Variants in DENND1A observed in about 807,000 individuals in gnomAD.
DENND1A encodes the protein DENN domain-containing protein 1A.
DENND1A carries 51 observed loss-of-function variants against 113.7 expected under a neutral mutation model. The ratio of observed to expected loss-of-function variants is 0.45; its 90% CI spans 0.36 to 0.57. DENND1A has a LOEUF of 0.57. Ranked by LOEUF, DENND1A falls within the 20% of genes least tolerant of loss-of-function variation. The probability of loss-of-function intolerance (pLI) is 0.00; values close to 1 mark genes in which losing one functional copy is unlikely to be tolerated. For synonymous variants in DENND1A, 565 were observed against 570.8 expected (o/e 0.99, Z 0.14); for missense variants, 1,258 against 1,395.9 (o/e 0.90, Z 1.57).
At chr9:123,564,979 T>C (rs917066466) in intron 12 of DENND1A, among the ~76,000 whole-genome samples, 2 of 144,786 alleles carry the variant, frequency 1.4e-5, no homozygotes, top group Admixed American at 6.9e-5. Context: ...GTCTGTCCCT[T>C]CTTTTTTTTT....
At chr9:123,887,834 G>A (rs73669010) in intron 1 of DENND1A, among the ~76,000 whole-genome samples, 12,697 of 152,134 alleles carry the variant, frequency 0.083, 1,113 homozygotes, top group African/African-American at 0.22. Flanking sequence ...ACATGGGGAA[G>A]GCTGGTTTCT....
At chr9:123,792,688 T>A (rs777244491) in intron 2 of DENND1A, 58 bp from the exon 3 acceptor site, 20 of 1,577,254 alleles carry the variant, frequency 1.3e-5, no homozygotes, top group Non-Finnish European at 1.7e-5. Context: ...AAGCAGAGGA[T>A]CACACATTAA....
intron 19 of DENND1A, among the ~76,000 whole-genome samples, chr9:123,426,019 G>T (rs2045698665): frequency 1.3e-5 from 2 of 152,254 alleles, no homozygotes; most frequent in African/African-American, 4.8e-5. Context: ...GCCCAGGGCA[G>T]GGGCACTTCA....
intron 22 of DENND1A, among the ~76,000 whole-genome samples, chr9:123,385,152 G>A (rs552855901): frequency 6.6e-6 from 1 of 152,186 alleles, no homozygotes; most frequent in South Asian, 2.1e-4. Context: ...AGTGGGAAGT[G>A]CATCTAGCCT....
intron 5 of DENND1A, among the ~76,000 whole-genome samples, chr9:123,691,827 G>A (rs968066445): frequency 6.6e-6 from 1 of 152,136 alleles, no homozygotes; most frequent in Admixed American, 6.5e-5. Flanking sequence ...GAAGAAGGAG[G>A]TTCCAAAAAT....
chr9:123,850,362 T>C (rs1217272575), intron 2 of DENND1A, among the ~76,000 whole-genome samples: 1 of 152,242 alleles, frequency 6.6e-6, no homozygotes, highest in Non-Finnish European at 1.5e-5. Flanking sequence ...AGTTGATTGT[T>C]AGCAATTTTT....
intron 21 of DENND1A, among the ~76,000 whole-genome samples, chr9:123,402,348 G>T (rs536450647): frequency 6.6e-6 from 1 of 152,162 alleles, no homozygotes. Context: ...CCGTACCCTC[G>T]CTATCAACCA....
intron 13 of DENND1A, among the ~76,000 whole-genome samples, chr9:123,478,308 C>A (rs1307395248): frequency 6.6e-6 from 1 of 152,236 alleles, no homozygotes; most frequent in African/African-American, 2.4e-5. Context: ...GAATAAGCGT[C>A]CAGGGCATAG....
chr9:123,518,008 T>C (rs780431902), intron 13 of DENND1A, among the ~76,000 whole-genome samples: 24 of 152,194 alleles, frequency 1.6e-4, no homozygotes, highest in Non-Finnish European at 7.3e-5. Flanking sequence ...TATTATTTTT[T>C]AGGTGTTGTC....
chr9:123,585,195 T>C (rs1239973378), intron 11 of DENND1A, among the ~76,000 whole-genome samples: 1 of 152,208 alleles, frequency 6.6e-6, no homozygotes, highest in Non-Finnish European at 1.5e-5. Flanking sequence ...CTCTGGGGCT[T>C]GTCCATAAAC....
At chr9:123,402,433 C>T (rs1588346198) in intron 21 of DENND1A, 21 of 495,476 alleles carry the variant, frequency 4.2e-5, no homozygotes, top group Admixed American at 6.9e-5. Flanking sequence ...CATTTTTTTT[C>T]CTTCTTGCTC....
chr9:123,855,230 T>C (rs1276753768), intron 2 of DENND1A, among the ~76,000 whole-genome samples: 2 of 151,072 alleles, frequency 1.3e-5, no homozygotes, highest in Non-Finnish European at 2.9e-5. Context: ...AGCAAGAAGG[T>C]TCCTGCCCTC....
intron 12 of DENND1A, among the ~76,000 whole-genome samples, chr9:123,561,916 C>A (rs571284966): frequency 2.6e-5 from 4 of 152,232 alleles, no homozygotes; most frequent in African/African-American, 9.6e-5. Flanking sequence ...CCCAGATATG[C>A]CCTGAATCCA....
At chr9:123,447,519 G>A (rs539977207) in intron 18 of DENND1A, among the ~76,000 whole-genome samples, 5 of 152,202 alleles carry the variant, frequency 3.3e-5, no homozygotes, top group South Asian at 2.1e-4. Flanking sequence ...TCCACAGGTC[G>A]GCCCCACATT....
chr9:123,451,785 A>C (rs1372059152), intron 17 of DENND1A, among the ~76,000 whole-genome samples: 2 of 152,224 alleles, frequency 1.3e-5, no homozygotes, highest in African/African-American at 2.4e-5. Context: ...CTATAAATTA[A>C]AAATGTCACT....
intron 5 of DENND1A, among the ~76,000 whole-genome samples, chr9:123,731,519 A>G (rs1188017519): frequency 6.6e-6 from 1 of 152,240 alleles, no homozygotes; most frequent in Non-Finnish European, 1.5e-5. Context: ...CAAAACAAAA[A>G]CAATCTACAA....
intron 5 of DENND1A, among the ~76,000 whole-genome samples, chr9:123,696,664 T>G (rs867855812): frequency 3.9e-5 from 6 of 152,328 alleles, no homozygotes; most frequent in Middle Eastern, 3.4e-3. Context: ...GCTGCTGCTG[T>G]GCGAATTAGG....
At chr9:123,533,838 T>C (rs559291757) in intron 13 of DENND1A, among the ~76,000 whole-genome samples, 1 of 152,344 alleles carries the variant, frequency 6.6e-6, no homozygotes, top group East Asian at 1.9e-4. Context: ...ACATTCAAGC[T>C]GAACCACTCC....
At chr9:123,861,902 T>TA (rs1217348507) in intron 2 of DENND1A, among the ~76,000 whole-genome samples, 2 of 152,112 alleles carry the variant, frequency 1.3e-5, no homozygotes, top group African/African-American at 4.8e-5. Flanking sequence ...TAAGCACACT[T>TA]ACAGACACTT....
Sources: allele counts gnomAD v4.1 joint callset (sites outside exome capture counted in the v4.1 genomes callset), GRCh38; gene constraint gnomAD v4.1.1; transcripts MANE v1.5; gene names NCBI Gene and HGNC (gene_info 2026-07-23, HGNC 2026-07-21).